Variants in MCC observed in about 807,000 individuals in gnomAD.
MCC encodes the protein colorectal mutant cancer protein.
In MCC, 90 loss-of-function variants were observed where a neutral mutation model predicts 116.2. The observed-to-expected ratio is 0.77, with a 90% confidence interval of 0.65 to 0.92. The LOEUF (loss-of-function observed/expected upper bound fraction) is 0.92. MCC is among the 40% of genes least tolerant of loss of function. The probability of loss-of-function intolerance (pLI) is 0.00; values close to 1 mark genes in which losing one functional copy is unlikely to be tolerated. For synonymous variants in MCC, 578 were observed against 510.5 expected (o/e 1.13, Z -1.78); for missense variants, 1,516 against 1,312.2 (o/e 1.16, Z -2.40).
intron 1 of MCC, among the ~76,000 whole-genome samples, chr5:113,403,274 G>T (rs1769742006): frequency 1.3e-5 from 2 of 152,138 alleles, no homozygotes; most frequent in African/African-American, 4.8e-5. Flanking sequence ...CCATTCTAAG[G>T]AAAGTAAGTG....
intron 11 of MCC, among the ~76,000 whole-genome samples, chr5:113,077,454 G>A (rs1184736362): frequency 6.6e-6 from 1 of 152,192 alleles, no homozygotes; most frequent in Non-Finnish European, 1.5e-5. Context: ...ATAACAAACT[G>A]TCTCTCAGAA....
chr5:113,132,715 T>C (rs1758536727), intron 5 of MCC, among the ~76,000 whole-genome samples: 1 of 152,178 alleles, frequency 6.6e-6, no homozygotes, highest in South Asian at 2.1e-4. Flanking sequence ...CTGACTTGTA[T>C]TGGGTTGTTC....
At chr5:113,116,006 A>G (rs1176084954) in intron 6 of MCC, among the ~76,000 whole-genome samples, 1 of 152,202 alleles carries the variant, frequency 6.6e-6, no homozygotes, top group Non-Finnish European at 1.5e-5. Flanking sequence ...ATCACTGACC[A>G]CAGCCCAGCT....
chr5:113,029,803 C>T (rs1750830793), intron 17 of MCC, among the ~76,000 whole-genome samples: 1 of 152,232 alleles, frequency 6.6e-6, no homozygotes, highest in Non-Finnish European at 1.5e-5. Context: ...TGACTCCCTT[C>T]CAAGATCCTT....
At chr5:113,255,260 G>A (rs1436521772) in intron 3 of MCC, among the ~76,000 whole-genome samples, 1 of 152,190 alleles carries the variant, frequency 6.6e-6, no homozygotes, top group Admixed American at 6.5e-5. Context: ...CAAAGTCCTC[G>A]AGGAGGTTTC....
Position 113,434,256 on chromosome 5 carries a change from T to C in MCC, c.171-49044A>G. ...GCCTAGGCTCCAGATGTCGTACACC[T>C]TGGGCTGGTAGGGAATGCCCTGCAG... On this transcript the variant is annotated intron_variant, in intron 1 of 18. Coordinates refer to ENST00000408903, the MANE Select transcript of MCC (RefSeq NM_001085377.2). This position sits in a 1 kb window ranked among gnomAD's most constrained non-coding sequence, Gnocchi z 4.2. The C allele has an allele frequency of 6.2e-7, 1 of 1,614,142 alleles. No homozygotes were observed. Among genetic ancestry groups the C allele is most frequent in the Non-Finnish European group, 8.5e-7 (1 of 1,179,998 alleles).
intron 3 of MCC, among the ~76,000 whole-genome samples, chr5:113,263,755 C>T (rs1765303113): frequency 1.3e-5 from 2 of 152,212 alleles, no homozygotes; most frequent in South Asian, 4.2e-4. Flanking sequence ...TCTCCAGGAG[C>T]ATCTTAATTT....
At chr5:113,215,033 C>T (rs1328497643) in intron 3 of MCC, among the ~76,000 whole-genome samples, 1 of 137,772 alleles carries the variant, frequency 7.3e-6, no homozygotes, top group African/African-American at 3.6e-5. Flanking sequence ...TCCCCATTTC[C>T]CTTACCTGGA....
At chr5:113,119,198 C>T (rs950252854) in intron 6 of MCC, among the ~76,000 whole-genome samples, 1 of 152,230 alleles carries the variant, frequency 6.6e-6, no homozygotes, top group Non-Finnish European at 1.5e-5. Context: ...TCCCTGCCCG[C>T]GTGGAGCCTG....
intron 5 of MCC, among the ~76,000 whole-genome samples, chr5:113,127,194 T>C (rs1470915856): frequency 6.6e-6 from 1 of 152,256 alleles, no homozygotes; most frequent in Non-Finnish European, 1.5e-5. Flanking sequence ...GTATTTTTTA[T>C]GGCTGCATAG....
chr5:113,268,866 C>T (rs909989490), intron 3 of MCC, among the ~76,000 whole-genome samples: 3 of 152,070 alleles, frequency 2.0e-5, no homozygotes, highest in African/African-American at 7.2e-5. Context: ...CTTGGAGGAG[C>T]CAACAGTTTT....
chr5:113,255,320 T>C (rs758153606), intron 3 of MCC, among the ~76,000 whole-genome samples: 3 of 152,162 alleles, frequency 2.0e-5, no homozygotes, highest in Non-Finnish European at 4.4e-5. Flanking sequence ...TTTTGCAATT[T>C]TTCCTTCCCT....
At chr5:113,292,682 C>T (rs758733455) in intron 3 of MCC, among the ~76,000 whole-genome samples, 2 of 152,212 alleles carry the variant, frequency 1.3e-5, no homozygotes, top group African/African-American at 2.4e-5. Flanking sequence ...CACATCTCTT[C>T]CTTCACTCAG....
At chr5:113,140,258 A>T (rs370924167) in intron 5 of MCC, among the ~76,000 whole-genome samples, 6 of 152,276 alleles carry the variant, frequency 3.9e-5, no homozygotes, top group African/African-American at 1.2e-4. Flanking sequence ...CCTACCTGGG[A>T]TGAAATAGTT....
chr5:113,294,158 A>T (rs1766620705), intron 3 of MCC, among the ~76,000 whole-genome samples: 1 of 152,102 alleles, frequency 6.6e-6, no homozygotes, highest in Non-Finnish European at 1.5e-5. Flanking sequence ...CCTGAGTAGC[A>T]CTACAAGTTA....
chr5:113,440,842 A>T (rs1771016031), intron 1 of MCC, among the ~76,000 whole-genome samples: 1 of 152,218 alleles, frequency 6.6e-6, no homozygotes. Flanking sequence ...CAATGCATAT[A>T]ATTACTATGG....
chr5:113,473,595 T>C (rs1034599461), intron 1 of MCC, among the ~76,000 whole-genome samples: 7 of 152,178 alleles, frequency 4.6e-5, no homozygotes, highest in Non-Finnish European at 1.0e-4. Flanking sequence ...CATCAACTTT[T>C]CAGTAACAAC....
At chr5:113,302,501 AT>A (rs1451086859) in intron 3 of MCC, among the ~76,000 whole-genome samples, 3 of 152,238 alleles carry the variant, frequency 2.0e-5, no homozygotes, top group Admixed American at 6.5e-5. Flanking sequence ...ATTCAGAAAT[AT>A]ACTTTTTGGA....
At chr5:113,458,888 C>T (rs1420821209) in intron 1 of MCC, among the ~76,000 whole-genome samples, 1 of 152,202 alleles carries the variant, frequency 6.6e-6, no homozygotes, top group Non-Finnish European at 1.5e-5. Context: ...GAGGAATCTT[C>T]AACTCACCTA....
Sources: allele counts gnomAD v4.1 joint callset (sites outside exome capture counted in the v4.1 genomes callset), GRCh38; gene constraint gnomAD v4.1.1; non-coding constraint Gnocchi (gnomAD v3.1); transcripts MANE v1.5; gene names NCBI Gene and HGNC (gene_info 2026-07-23, HGNC 2026-07-21).